The following ALG1 variants were observed in gnomAD, a reference collection of about 807,000 sequenced individuals.
ALG1 encodes chitobiosyldiphosphodolichol beta-mannosyltransferase.
ALG1 carries 58 observed loss-of-function variants against 55.1 expected under a neutral mutation model. The ratio of observed to expected loss-of-function variants is 1.05; its 90% confidence interval spans 0.85 to 1.31. The LOEUF (loss-of-function observed/expected upper bound fraction) is 1.31. ALG1 is among the 50% of genes most tolerant of loss of function. ALG1 has a pLI of 0.00. For synonymous variants in ALG1, 309 were observed against 247.0 expected (o/e 1.25, Z -2.35); for missense variants, 761 against 598.6 (o/e 1.27, Z -2.83).
rs1567174692 is a variant in ALG1 at position 5,085,697 on chromosome 16, G to A, written c.*816G>A. The A allele has an allele frequency of 3.7e-6, 6 of 1,611,806 alleles. No individual in the cohort carries two copies. Among genetic ancestry groups the A allele is most frequent in the East Asian group, 2.2e-5 (1 of 44,884 alleles). On this transcript the variant is annotated 3_prime_UTR_variant, in exon 13 of 13. Coordinates refer to ENST00000262374, the MANE Select transcript of ALG1 (RefSeq NM_019109.5). ...TCGTAGGGAAACAGTTTCTGCTCAT[G>A]ACGAGGTTCCACTTCCCATCTGATC... is the stretch of plus-strand genomic sequence containing the variant.
intron 3 of ALG1, 97 bp downstream of exon 3, chr16:5,073,353 G>A (rs1956852909): frequency 1.8e-6 from 2 of 1,125,728 alleles, no homozygotes; most frequent in Non-Finnish European, 2.7e-6. Context: ...ATGTGTGTGT[G>A]TTGTGTGTAT....
chr16:5,074,934 G>C (rs759378762), intron 3 of ALG1, among the ~76,000 whole-genome samples: 1 of 152,102 alleles, frequency 6.6e-6, no homozygotes, highest in Non-Finnish European at 1.5e-5. Context: ...GCAGAGTCTA[G>C]CTCTGTCGCC....
At position 5,085,184 on chromosome 16, in the gene ALG1, G is replaced by A. The variant is rs1957111762; in HGVS notation, c.*303G>A. 6 of 576,260 alleles carry A rather than the reference G, an allele frequency of 1.0e-5. No individual in the cohort carries two copies. Among genetic ancestry groups the A allele is most frequent in the Admixed American group, 3.1e-5 (1 of 32,604 alleles). 35.7% of individuals were successfully genotyped at this position (576,260 alleles called of 1,614,324 possible). A position where few individuals can be genotyped will look rare whatever the true frequency, so the allele number is the denominator to read the frequency against. On this transcript the variant is annotated 3_prime_UTR_variant, in exon 13 of 13. Transcript: ENST00000262374. The stretch of plus-strand genomic sequence containing the variant: ...ACCTCTGCAGAACTCCTCATCCTGC[G>A]TTTGGTCTCCAGGTGTCCCCTTTCT...
chr16:5,075,251 G>A, intron 3 of ALG1, 137 bp from the exon 4 acceptor site: 1 of 973,942 alleles, frequency 1.0e-6, no homozygotes, highest in South Asian at 1.3e-5. Flanking sequence ...GTGGTGGAGA[G>A]GGTCTTTCTT....
Position 5,075,674 on chromosome 16 carries a change from C to T in ALG1, c.539+138C>T, listed in dbSNP as rs1040801219. On this transcript the variant is annotated intron_variant, in intron 4 of 12. Coordinates refer to ENST00000262374, the MANE Select transcript of ALG1 (RefSeq NM_019109.5). ...GTGGGGTGAGGCTGGTGAATCAGGC[C>T]GAATGCTGGTTCCAAATGATAGAAA... 9.3e-6 allele frequency: 10 copies of T among 1,073,938 alleles called. 1 individual carries two copies. Among genetic ancestry groups the T allele is most frequent in the Middle Eastern group, 2.7e-4 (1 of 3,644 alleles). The allele number at this position is 1,073,938 out of a possible 1,614,324, so 66.5% of individuals were successfully genotyped here.
intron 12 of ALG1, 199 bp from the exon 13 acceptor site, chr16:5,084,551 C>G: frequency 1.2e-6 from 1 of 850,866 alleles, no homozygotes; most frequent in Non-Finnish European, 1.8e-6. Flanking sequence ...GTGGGACATG[C>G]GGGGAAGTTT....
chr16:5,085,440 T>A lies in ALG1; in HGVS notation c.*559T>A. On this transcript the variant is annotated 3_prime_UTR_variant, in exon 13 of 13. Transcript: ENST00000262374. ...TGATTTTCTTAAGAACCAGAACTGC[T>A]GGCAGAAAGGGGGCACCCACACGCT... 2 of 601,702 alleles carry A rather than the reference T, an allele frequency of 3.3e-6. No individual in the cohort carries two copies. Among genetic ancestry groups the A allele is most frequent in the East Asian group, 5.8e-5 (2 of 34,328 alleles). 37.3% of individuals were successfully genotyped at this position (601,702 alleles called of 1,614,324 possible).
chr16:5,080,050 T>C (rs1033253684), intron 9 of ALG1, among the ~76,000 whole-genome samples: 4 of 147,682 alleles, frequency 2.7e-5, no homozygotes, highest in African/African-American at 7.9e-5. Flanking sequence ...ATCTTTTTTT[T>C]GTTGTTGTTA....
intron 6 of ALG1, 154 bp downstream of exon 6, chr16:5,078,171 A>C: frequency 1.2e-6 from 1 of 863,030 alleles, no homozygotes. Flanking sequence ...TTTCACTGGG[A>C]CACAACACAC....
intron 10 of ALG1, 134 bp downstream of exon 10, chr16:5,081,190 C>T: frequency 2.6e-6 from 3 of 1,149,160 alleles, no homozygotes; most frequent in Non-Finnish European, 3.6e-6. Context: ...CAGGAGGAGG[C>T]TACTTCCTGG....
Position 5,073,134 on chromosome 16 carries a change from G to A in ALG1, c.287-19G>A. The stretch of plus-strand genomic sequence containing the variant: ...GCCAGACGCTCCTTTGGTAGTCACA[G>A]GTGTTTTCTGACTTGCAGTTGGGCC... On this transcript the variant is annotated intron_variant, in intron 2 of 12. Transcript: ENST00000262374. The A allele has an allele frequency of 3.7e-6, 6 of 1,613,428 alleles. No homozygotes were observed. The South Asian group carries it at 6.6e-5, about 18-fold the overall frequency.
At chr16:5,079,229 G>T (rs945137503) in intron 8 of ALG1, 127 bp downstream of exon 8, 3 of 1,271,904 alleles carry the variant, frequency 2.4e-6, no homozygotes, top group South Asian at 2.5e-5. Context: ...GACAGCGGGG[G>T]TGGTGGAAGT....
rs201337379 is a variant in ALG1, at chr16:5,072,963, A to C, written c.221A>C (p.His74Pro). 6.8e-6 allele frequency: 11 copies of C among 1,614,242 alleles called. No individual in the cohort carries two copies. The highest frequency in any genetic ancestry group is 1.1e-5 in the South Asian group (1 of 91,086). ...TCTCATTTTTCAGACTCCAAACCCC[A>C]TGATGAGCTCTTGCAGAACAACAGA... ...TLLGFCNSKPHDELLQNNRIQ... is the reference protein window; with the variant it reads ...TLLGFCNSKPPDELLQNNRIQ... Residue 74 changes from histidine (H) to proline (P), a missense_variant, in exon 2 of 13, where the codon CAT (histidine) becomes CCT (proline). Transcript: ENST00000262374.
Position 5,084,955 on chromosome 16 carries a change from A to G in ALG1, c.*74A>G, listed in dbSNP as rs1957103059. The G allele has an allele frequency of 2.1e-5, 34 of 1,595,394 alleles. No individual in the cohort carries two copies. The highest frequency in any genetic ancestry group is 3.3e-5 in the Admixed American group (2 of 59,996). ...AGCTTCTTCTTGGAGTCTCAGGGCA[A>G]ACCCTTTCGAGCAGCACCTCCCAGT... On this transcript the variant is annotated 3_prime_UTR_variant, in exon 13 of 13. Coordinates refer to ENST00000262374, the MANE Select transcript of ALG1 (RefSeq NM_019109.5).
intron 6 of ALG1, 35 bp from the exon 7 acceptor site, chr16:5,078,722 A>G (rs777743345): frequency 1.7e-5 from 28 of 1,612,104 alleles, no homozygotes; most frequent in Admixed American, 5.0e-5. Flanking sequence ...GGCCTGCTCT[A>G]TGGCCTCTCA....
Position 5,085,412 on chromosome 16 carries a change from T to C in ALG1, c.*531T>C, listed in dbSNP as rs1957120206. 2 of 571,576 alleles carry C rather than the reference T, an allele frequency of 3.5e-6. No individual in the cohort carries two copies. The highest frequency in any genetic ancestry group is 2.0e-5 in the South Asian group (1 of 49,116). The allele number at this position is 571,576 out of a possible 1,614,324, so 35.4% of individuals were successfully genotyped here. On this transcript the variant is annotated 3_prime_UTR_variant, in exon 13 of 13. Coordinates refer to ENST00000262374, the MANE Select transcript of ALG1 (RefSeq NM_019109.5). ...AGCCAGAATTTTCATGTCTGATTTA[T>C]GGTGATTTTCTTAAGAACCAGAACT...
At chr16:5,082,018 C>A in intron 10 of ALG1, among the ~76,000 whole-genome samples, 1 of 151,886 alleles carries the variant, frequency 6.6e-6, no homozygotes, top group South Asian at 2.1e-4. Context: ...TCTTGGCTCA[C>A]GCAACCTCCG....
In ALG1 at chr16:5,078,362, A is replaced by C. The variant is rs373525425; in HGVS notation, c.740+345A>C. 4.7e-4 allele frequency: 281 copies of C among 591,586 alleles called. 2 individuals are homozygous for C. Among genetic ancestry groups the C allele is most frequent in the Middle Eastern group, 2.8e-3 (6 of 2,168 alleles). 36.6% of individuals were successfully genotyped at this position (591,586 alleles called of 1,614,324 possible). On this transcript the variant is annotated intron_variant, in intron 6 of 12. Coordinates refer to ENST00000262374, the MANE Select transcript of ALG1 (RefSeq NM_019109.5). Reference sequence around the variant, plus strand: ...AGTGGCTTCCCAGGCCTGTGGCAGGATCTGTGGACCTGTGTGTCCCCTGGG... The same window carrying C: ...AGTGGCTTCCCAGGCCTGTGGCAGGCTCTGTGGACCTGTGTGTCCCCTGGG...
In ALG1 at chr16:5,071,864, C is replaced by T. The variant is rs752922461; in HGVS notation, c.15C>T (p.Cys5=). The T allele has an allele frequency of 1.7e-5, 28 of 1,604,698 alleles. No homozygotes were observed. The highest frequency in any genetic ancestry group is 8.4e-5 in the Admixed American group (5 of 59,614). MAAS[C]LVLLALCLLL... The stretch of plus-strand genomic sequence containing the variant: ...GGCCAGCCAAGATGGCGGCCTCATG[C>T]TTGGTCCTGCTGGCGCTGTGTCTGC... The change falls in exon 1 of 13, where the codon TGC becomes TGT. Residue 5 remains cysteine, a synonymous_variant. Coordinates refer to ENST00000262374, the MANE Select transcript of ALG1 (RefSeq NM_019109.5).
Sources: allele counts gnomAD v4.1 joint callset (sites outside exome capture counted in the v4.1 genomes callset), GRCh38; gene constraint gnomAD v4.1.1; transcripts MANE v1.5; gene names NCBI Gene and HGNC (gene_info 2026-07-23, HGNC 2026-07-21).